Variants in COL5A2 observed in about 807,000 individuals in gnomAD.
COL5A2 encodes the protein collagen type V alpha 2 chain.
In COL5A2, 23 loss-of-function variants were observed where a neutral mutation model predicts 208.2. That is an observed-to-expected ratio of 0.11 (90% CI 0.08 to 0.16). The LOEUF (loss-of-function observed/expected upper bound fraction) is 0.16. Ranked by LOEUF, COL5A2 falls within the 10% of genes least tolerant of loss-of-function variation. COL5A2 has a pLI of 1.00. For missense variants in COL5A2, 1,590 were observed against 1,956.4 expected (o/e 0.81, Z 3.53); for synonymous variants, 625 against 628.5 (o/e 0.99, Z 0.08).
chr2:189,111,232 A>ATG (rs1202173681), intron 1 of COL5A2, among the ~76,000 whole-genome samples: 3,061 of 149,052 alleles, frequency 0.021, 83 homozygotes, highest in African/African-American at 0.071. Flanking sequence ...ACACATATAT[A>ATG]TGTGTGTGTG....
chr2:189,092,800 A>C (rs1182939779), intron 6 of COL5A2, among the ~76,000 whole-genome samples: 1 of 152,226 alleles, frequency 6.6e-6, no homozygotes, highest in Non-Finnish European at 1.5e-5. Flanking sequence ...CTGAAATTAC[A>C]GTGGATTGTC....
At chr2:189,162,329 G>A (rs2105804573) in intron 1 of COL5A2, among the ~76,000 whole-genome samples, 1 of 152,304 alleles carries the variant, frequency 6.6e-6, no homozygotes, top group East Asian at 1.9e-4. Context: ...GAAGGTAAAT[G>A]CCTCATAACT....
intron 1 of COL5A2, among the ~76,000 whole-genome samples, chr2:189,145,787 A>C (rs1052730045): frequency 1.3e-5 from 2 of 152,248 alleles, no homozygotes; most frequent in East Asian, 3.9e-4. Context: ...AGGCATAATT[A>C]TTATTTTCTG....
the COL5A2 span, among the ~76,000 whole-genome samples, chr2:189,248,179 T>C: frequency 6.6e-6 from 1 of 152,222 alleles, no homozygotes; most frequent in Non-Finnish European, 1.5e-5. Flanking sequence ...AGCAATGTGC[T>C]TTTTTCAGTG....
chr2:189,243,099 C>A, the COL5A2 span, among the ~76,000 whole-genome samples: 1 of 152,038 alleles, frequency 6.6e-6, no homozygotes, highest in Non-Finnish European at 1.5e-5. Flanking sequence ...AAGAAAAGAG[C>A]AGCTTAGGAA....
chr2:189,397,014 AATGAG>A, the COL5A2 span, among the ~76,000 whole-genome samples: 1 of 151,582 alleles, frequency 6.6e-6, no homozygotes, highest in Admixed American at 6.6e-5. Context: ...AAAAAAGATA[AATGAG>A]ATAATTATAT....
upstream of COL5A2, among the ~76,000 whole-genome samples, chr2:189,230,285 T>A (rs909699690): frequency 2.0e-5 from 3 of 151,804 alleles, no homozygotes; most frequent in African/African-American, 7.2e-5. Context: ...TTGATGGATA[T>A]GACCCTAAAA....
In COL5A2 at chr2:189,035,106, G is replaced by T. The variant is rs771415085; in HGVS notation, c.4163C>A (p.Thr1388Asn). The change falls in exon 53 of 54, where the codon ACT becomes AAT. Residue 1388 changes from threonine (T) to asparagine (N), a missense_variant. Coordinates refer to ENST00000374866, the MANE Select transcript of COL5A2 (RefSeq NM_000393.5). ...QSPNTAITQMTFLRLLSKEAS... is the reference protein window; with the variant it reads ...QSPNTAITQMNFLRLLSKEAS... ...TTCTTTTGATAAAAGGCGCAAAAAA[G>T]TCATCTGAGTAATGGCTGTATTAGG... 1 of 1,613,840 alleles carries T rather than the reference G, an allele frequency of 6.2e-7. No homozygotes were observed. The highest frequency in any genetic ancestry group is 2.2e-5 in the East Asian group (1 of 44,826).
chr2:189,386,840 G>C, the COL5A2 span, among the ~76,000 whole-genome samples: 1 of 152,164 alleles, frequency 6.6e-6, no homozygotes. Flanking sequence ...TGTTGGTGAG[G>C]CTGTGGAGAA....
intron 43 of COL5A2, among the ~76,000 whole-genome samples, chr2:189,049,738 C>T (rs1017645771): frequency 5.9e-5 from 9 of 152,148 alleles, no homozygotes; most frequent in African/African-American, 2.2e-4. Flanking sequence ...ATTCTAGCTG[C>T]CCTTCTGGAA....
intron 1 of COL5A2, among the ~76,000 whole-genome samples, chr2:189,204,340 C>A (rs562595584): frequency 4.6e-5 from 7 of 152,302 alleles, no homozygotes; most frequent in African/African-American, 1.7e-4. Flanking sequence ...CAGGGCTTTG[C>A]CCAAAGATGT....
intron 1 of COL5A2, among the ~76,000 whole-genome samples, chr2:189,161,835 G>A (rs888470529): frequency 2.0e-5 from 3 of 152,102 alleles, no homozygotes; most frequent in Admixed American, 1.3e-4. Context: ...TAAATAAAAG[G>A]ATTTATTGTG....
chr2:189,146,010 G>A (rs1421347497), intron 1 of COL5A2, among the ~76,000 whole-genome samples: 1 of 152,010 alleles, frequency 6.6e-6, no homozygotes, highest in African/African-American at 2.4e-5. Flanking sequence ...GATTTAGGAA[G>A]GTTACATGCA....
rs553985923 is a variant in COL5A2 at position 189,215,029 on chromosome 2, T to C, written c.-42+10119A>G. On this transcript the variant is annotated intron_variant, in intron 1 of 10. Transcript: ENST00000649966. ...TGTGATAACTCAGCCTCAGAAAAATTAATGGAATTTCTTATTGACACGCAG... is the reference window on the plus strand; with the variant it reads ...TGTGATAACTCAGCCTCAGAAAAATCAATGGAATTTCTTATTGACACGCAG... Among the ~76,000 whole-genome samples the C allele has an allele frequency of 5.9e-5, 9 of 152,268 alleles. No homozygotes were observed. The South Asian group carries it at 1.9e-3, about 32-fold the overall frequency.
At chr2:189,102,910 C>T (rs72906395) in intron 3 of COL5A2, among the ~76,000 whole-genome samples, 21,083 of 152,024 alleles carry the variant, frequency 0.14, 1,464 homozygotes, top group Middle Eastern at 0.2. Flanking sequence ...GGCACATAAC[C>T]ACAGTCTGCT....
chr2:189,357,300 C>A, the COL5A2 span, among the ~76,000 whole-genome samples: 1 of 152,182 alleles, frequency 6.6e-6, no homozygotes, highest in Non-Finnish European at 1.5e-5. Context: ...AGCCGTCAGG[C>A]AGGGACGTTT....
chr2:189,110,574 C>A, intron 1 of COL5A2, 125 bp from the exon 2 acceptor site: 1 of 731,770 alleles, frequency 1.4e-6, no homozygotes, highest in South Asian at 1.6e-5. Flanking sequence ...AGGAGCCAAA[C>A]ACAGATGAAC....
In COL5A2 at chr2:189,053,995, C is replaced by A. The variant is rs558964003; in HGVS notation, c.2446-47G>T. The A allele has an allele frequency of 1.3e-5, 21 of 1,582,050 alleles. No individual in the cohort carries two copies. The South Asian group carries it at 1.7e-4, about 13-fold the overall frequency. On this transcript the variant is annotated intron_variant, in intron 36 of 53. Transcript: ENST00000374866. ...GTTACTGTCCAAAACAGTAGCTAAA[C>A]ATAATTTTAGGACATTGGTCACTGT...
At chr2:189,178,729 A>G (rs1470621911) in intron 1 of COL5A2, among the ~76,000 whole-genome samples, 1 of 128,152 alleles carries the variant, frequency 7.8e-6, no homozygotes. Context: ...AAAAAAAAAA[A>G]GCTTGGGTCT....
Sources: allele counts gnomAD v4.1 joint callset (sites outside exome capture counted in the v4.1 genomes callset), GRCh38; gene constraint gnomAD v4.1.1; transcripts MANE v1.5; gene names NCBI Gene and HGNC (gene_info 2026-07-23, HGNC 2026-07-21).